IL9R: variants seen among roughly 807,000 people sequenced by gnomAD.
IL9R encodes interleukin-9 receptor.
A neutral mutation model predicts 56.3 loss-of-function variants in IL9R; 54 were observed. That is an observed-to-expected ratio of 0.96 (90% confidence interval 0.77 to 1.20). The LOEUF is 1.20. Ranked by LOEUF, IL9R falls within the 50% of genes most tolerant of loss-of-function variation. The pLI, the probability that IL9R is intolerant of heterozygous loss-of-function variation, is 0.00. For missense variants in IL9R, 545 were observed against 629.8 expected (o/e 0.87, Z 1.44); for synonymous variants, 212 against 250.2 (o/e 0.85, Z 1.44).
At chrX:155,999,357 A>T (rs1214184774) in intron 1 of IL9R, among the ~76,000 whole-genome samples, 1 of 152,078 alleles carries the variant, frequency 6.6e-6, no homozygotes, top group Non-Finnish European at 1.5e-5. Context: ...TCACGGATGC[A>T]GCACTGCCCC....
At chrX:156,005,949 A>G (rs2067904100) in intron 6 of IL9R, 134 bp from the exon 7 acceptor site, 14 of 647,626 alleles carry the variant, frequency 2.2e-5, no homozygotes, top group Non-Finnish European at 3.3e-5. Context: ...AGCAGGTGAC[A>G]CAAACCTCCA....
At chrX:156,001,106 G>A (rs2067491192) in intron 1 of IL9R, among the ~76,000 whole-genome samples, 1 of 152,124 alleles carries the variant, frequency 6.6e-6, no homozygotes, top group Non-Finnish European at 1.5e-5. Flanking sequence ...TGTCACATGT[G>A]GATCCTGCCC....
chrX:156,005,337 G>A lies in IL9R; in HGVS notation c.639G>A (p.Glu213=). ...CCTGGCTTATACTTGAAGCCTTTGA[G>A]CTGGACCCTGGCTTTATCCATGAGG... ...GVTWLILEAF[E]LDPGFIHEAR... is the part of the protein sequence containing the mutation. The change falls in exon 6 of 9, where the codon GAG becomes GAA. Residue 213 remains glutamate (E), a synonymous_variant. Transcript: ENST00000244174. 1 of 1,612,446 alleles carries A rather than the reference G, an allele frequency of 6.2e-7. No individual in the cohort carries two copies. The highest frequency in any genetic ancestry group is 1.3e-5 in the African/African-American group (1 of 74,980).
chrX:155,997,733 C>A lies in IL9R; in HGVS notation c.-27C>A. The A allele has an allele frequency of 6.2e-7, 1 of 1,613,006 alleles. No individual in the cohort carries two copies. The highest frequency in any genetic ancestry group is 8.5e-7 in the Non-Finnish European group (1 of 1,179,050). ...GAGATAGTTGGGTGACAAATCACCT[C>A]CAGGTTGGGGATGCCTCAGACTTGT... On this transcript the variant is annotated 5_prime_UTR_variant, in exon 1 of 9. Coordinates refer to ENST00000244174, the MANE Select transcript of IL9R (RefSeq NM_002186.3).
At chrX:156,003,089 T>A in intron 2 of IL9R, 70 bp downstream of exon 2, 1 of 1,593,446 alleles carries the variant, frequency 6.3e-7, no homozygotes, top group Non-Finnish European at 8.6e-7. Flanking sequence ...GACTGGGTTG[T>A]CCGATGTCAA....
rs3093459 is a variant in IL9R at position 155,998,200 on chromosome X, G to T, written c.28+413G>T. 3.0e-3 allele frequency among the ~76,000 whole-genome samples: 458 copies of T among 152,134 alleles called. 1 individual carries two copies. The highest frequency in any genetic ancestry group is 0.011 in the African/African-American group (444 of 41,504). On this transcript the variant is annotated intron_variant, in intron 1 of 8. Coordinates refer to ENST00000244174, the MANE Select transcript of IL9R (RefSeq NM_002186.3). ...GGTGGAGCTGAGGTCTAGGCCCAGGGCTGGGAAAGCTTCTACCAACCCCGA... is the reference window on the plus strand; with the variant it reads ...GGTGGAGCTGAGGTCTAGGCCCAGGTCTGGGAAAGCTTCTACCAACCCCGA...
intron 4 of IL9R, 38 bp downstream of exon 4, chrX:156,003,893 G>T (rs779186979): frequency 3.7e-6 from 6 of 1,607,664 alleles, no homozygotes; most frequent in South Asian, 3.3e-5. Flanking sequence ...GGGCCGCTTG[G>T]CAAGAACATC....
Position 156,008,088 on chromosome X carries a change from T to C in IL9R, c.972+481T>C, listed in dbSNP as rs1331037620. On this transcript the variant is annotated intron_variant, in intron 8 of 8. Coordinates refer to ENST00000244174, the MANE Select transcript of IL9R (RefSeq NM_002186.3). ...ACAGCTGAGGAGTGGGCTCTGCACT[T>C]CCCCCCCTTCCACCCATGTTGGGCT... 2.8e-5 allele frequency: 6 copies of C among 214,480 alleles called. No homozygotes were observed. The Admixed American group carries it at 3.2e-4, about 11-fold the overall frequency. The allele number at this position is 214,480 out of a possible 1,614,324, so 13.3% of individuals were successfully genotyped here.
At chrX:156,008,445 A>G (rs1023844219) in intron 8 of IL9R, among the ~76,000 whole-genome samples, 2 of 151,784 alleles carry the variant, frequency 1.3e-5, no homozygotes, top group Non-Finnish European at 2.9e-5. Flanking sequence ...CAAAAATATA[A>G]TTTGAACCAT....
intron 1 of IL9R, among the ~76,000 whole-genome samples, chrX:155,998,487 T>G (rs1037733443): frequency 6.6e-6 from 1 of 152,106 alleles, no homozygotes; most frequent in Non-Finnish European, 1.5e-5. Context: ...CCATTTTCTC[T>G]TCCTGTGATT....
chrX:156,005,172 G>A (rs2067834416), intron 5 of IL9R, 106 bp from the exon 6 acceptor site: 1 of 826,738 alleles, frequency 1.2e-6, no homozygotes, highest in Non-Finnish European at 2.0e-6. Flanking sequence ...TAACACAAGT[G>A]TGTTCAAGAG....
At chrX:155,998,153 G>A (rs1430767539) in intron 1 of IL9R, among the ~76,000 whole-genome samples, 1 of 152,006 alleles carries the variant, frequency 6.6e-6, no homozygotes, top group Non-Finnish European at 1.5e-5. Flanking sequence ...GCATACTTGG[G>A]CCTCAGTTGT....
Position 156,004,530 on chromosome X carries a change from G to T in IL9R, c.544G>T (p.Glu182Ter). ...LEPMTTLLSYELAFKKQEEAW... is the reference protein window; with the variant it reads ...LEPMTTLLSY Reference sequence around the variant, plus strand: ...GCCAATGACCACACTTCTCAGCTATGAGCTGGCCTTCAAGAAGCAGGAAGA... The same window carrying T: ...GCCAATGACCACACTTCTCAGCTATTAGCTGGCCTTCAAGAAGCAGGAAGA... Residue 182 changes from glutamate (E) to a stop codon, truncating the protein, a stop_gained, in exon 5 of 9, where the codon GAG becomes TAG. Transcript: ENST00000244174. LOFTEE classifies it high-confidence loss of function. The T allele has an allele frequency of 3.7e-6, 6 of 1,613,274 alleles. No homozygotes were observed. The highest frequency in any genetic ancestry group is 5.1e-6 in the Non-Finnish European group (6 of 1,179,870).
intron 1 of IL9R, among the ~76,000 whole-genome samples, chrX:156,002,699 G>T (rs1322495143): frequency 6.6e-6 from 1 of 152,206 alleles, no homozygotes; most frequent in African/African-American, 2.4e-5. Context: ...CTTTGGCTGA[G>T]TCAAATGGCC....
intron 5 of IL9R, 34 bp downstream of exon 5, chrX:156,004,599 T>C: frequency 6.2e-7 from 1 of 1,608,674 alleles, no homozygotes; most frequent in South Asian, 1.1e-5. Context: ...TGGGGGCCTC[T>C]CTCCTGGGAA....
At chrX:155,997,813 A>G (rs1195600449) in intron 1 of IL9R, 26 bp downstream of exon 1, 3 of 1,606,910 alleles carry the variant, frequency 1.9e-6, no homozygotes, top group Admixed American at 3.3e-5. Flanking sequence ...GGGCTTCCCA[A>G]CCTCTCAAGT....
intron 1 of IL9R, among the ~76,000 whole-genome samples, chrX:156,002,167 C>A (rs373278543): frequency 6.7e-6 from 1 of 149,814 alleles, no homozygotes; most frequent in Non-Finnish European, 1.5e-5. Flanking sequence ...CATGGTGAAA[C>A]CCCGTCTCTA....
At chrX:156,003,071 G>A in intron 2 of IL9R, 52 bp downstream of exon 2, 5 of 1,609,502 alleles carry the variant, frequency 3.1e-6, no homozygotes, top group Non-Finnish European at 4.3e-6. Flanking sequence ...ACTAGGGCAT[G>A]TTTGGGGGAC....
Position 156,007,548 on chromosome X carries a change from G to C in IL9R, c.913G>C (p.Val305Leu), listed in dbSNP as rs201085879. Residue 305 changes from valine (V) to leucine (L), a missense_variant, in exon 8 of 9, where the codon GTG (valine) becomes CTG (leucine). By Grantham distance (32) the Val-to-Leu change is conservative. This residue lies in a region of IL9R where 114 missense variants were observed against 269.8 expected (regional missense o/e 0.42). Transcript: ENST00000244174. ...GGTGAAGAGAATCTTCTACCAGAAC[G>C]TGCCCTCTCCAGCGATGTTCTTCCA... is the stretch of plus-strand genomic sequence containing the variant. The part of the protein sequence containing the change: ...PRVKRIFYQN[V>L]PSPAMFFQPL... 8 of 1,330,228 alleles carry C rather than the reference G, an allele frequency of 6.0e-6. No individual in the cohort carries two copies. The highest frequency in any genetic ancestry group is 1.9e-5 in the African/African-American group (1 of 52,450). 82.4% of individuals were successfully genotyped at this position (1,330,228 alleles called of 1,614,324 possible).
Sources: allele counts gnomAD v4.1 joint callset (sites outside exome capture counted in the v4.1 genomes callset), GRCh38; gene constraint gnomAD v4.1.1; regional missense constraint gnomAD v4.1.1; transcripts MANE v1.5; gene names NCBI Gene and HGNC (gene_info 2026-07-23, HGNC 2026-07-21).